Variants in CNOT1 observed in about 807,000 individuals in gnomAD.
The protein encoded by CNOT1 is CCR4-associated factor 1.
CNOT1 carries 15 observed loss-of-function variants against 273.8 expected under a neutral mutation model. The observed-to-expected ratio is 0.05, with a 90% CI of 0.04 to 0.08. The LOEUF (loss-of-function observed/expected upper bound fraction) is 0.08. Among genes scored for constraint, CNOT1 ranks in the 10% least tolerant of loss-of-function variants. The probability of loss-of-function intolerance (pLI) is 1.00; values close to 1 mark genes in which losing one functional copy is unlikely to be tolerated. For synonymous variants in CNOT1, 1,022 were observed against 1,005.5 expected (o/e 1.02, Z -0.31); for missense variants, 1,644 against 2,912.2 (o/e 0.56, Z 10.02).
At chr16:58,590,375 C>T (rs2042012175) in intron 2 of CNOT1, among the ~76,000 whole-genome samples, 1 of 152,164 alleles carries the variant, frequency 6.6e-6, no homozygotes, top group South Asian at 2.1e-4. Flanking sequence ...AAGTTCTTAG[C>T]TTATTTCAGT....
chr16:58,625,857 C>CAAAAAA (rs35404068), intron 1 of CNOT1, among the ~76,000 whole-genome samples: 1 of 106,380 alleles, frequency 9.4e-6, no homozygotes, highest in Non-Finnish European at 1.9e-5. Context: ...AACCCTGTCT[C>CAAAAAA]AAAAAAAAAA....
chr16:58,598,636 TAA>T (rs748040031), intron 2 of CNOT1, among the ~76,000 whole-genome samples: 2 of 120,214 alleles, frequency 1.7e-5, no homozygotes, highest in Non-Finnish European at 1.8e-5. Flanking sequence ...CTGTCTCAAA[TAA>T]AAAAAAAAAA....
chr16:58,538,141 G>A lies in CNOT1; in HGVS notation c.5244+17C>T, dbSNP rs1023053509. 1 of 1,604,478 alleles carries A rather than the reference G, an allele frequency of 6.2e-7. No individual in the cohort carries two copies. The highest frequency in any genetic ancestry group is 1.3e-5 in the African/African-American group (1 of 74,716). On this transcript the variant is annotated intron_variant, in intron 37 of 48. Coordinates refer to ENST00000317147, the MANE Select transcript of CNOT1 (RefSeq NM_016284.5). Reference sequence around the variant, plus strand: ...TCCCTGAGTCCTTTTGTCCGTGCAAGTAAATTCCTTCCATACCTGCGCTAG... The same window carrying A: ...TCCCTGAGTCCTTTTGTCCGTGCAAATAAATTCCTTCCATACCTGCGCTAG...
At chr16:58,624,048 T>A (rs1375175609) in intron 1 of CNOT1, among the ~76,000 whole-genome samples, 1 of 152,030 alleles carries the variant, frequency 6.6e-6, no homozygotes, top group East Asian at 1.9e-4. Context: ...TCTAGCAAGT[T>A]AACTGAACAA....
chr16:58,601,866 G>C (rs984032015), intron 1 of CNOT1, among the ~76,000 whole-genome samples: 2 of 92,028 alleles, frequency 2.2e-5, no homozygotes, highest in Non-Finnish European at 4.4e-5. Flanking sequence ...GCGAGACCCT[G>C]TCTATTAAAA....
chr16:58,550,614 C>T (rs920270050), intron 24 of CNOT1, among the ~76,000 whole-genome samples: 4 of 152,038 alleles, frequency 2.6e-5, no homozygotes, highest in African/African-American at 9.6e-5. Flanking sequence ...TGTTTTATCA[C>T]AGTAAGGCTT....
rs2039550667 is a variant in CNOT1, at chr16:58,525,413, C to T, written c.6604-54G>A. 10 of 1,479,168 alleles carry T rather than the reference C, an allele frequency of 6.8e-6. No homozygotes were observed. The South Asian group carries it at 8.2e-5, about 12-fold the overall frequency. 91.6% of individuals were successfully genotyped at this position (1,479,168 alleles called of 1,614,324 possible). A position where few individuals can be genotyped will look rare whatever the true frequency, so the allele number is the denominator to read the frequency against. Reference sequence around the variant, plus strand: ...TGCTTACTCCTGCAGAGGACCAATTCTAGCACCAGTATTTCTAAACCCTTC... The same window carrying T: ...TGCTTACTCCTGCAGAGGACCAATTTTAGCACCAGTATTTCTAAACCCTTC... On this transcript the variant is annotated intron_variant, in intron 45 of 48. Transcript: ENST00000317147.
chr16:58,549,593 C>A, intron 25 of CNOT1, 126 bp downstream of exon 25: 1 of 1,384,876 alleles, frequency 7.2e-7, no homozygotes, highest in South Asian at 1.6e-5. Flanking sequence ...ACAAAATCTA[C>A]AGCAATTTCC....
Position 58,534,258 on chromosome 16 carries a change from G to A in CNOT1, c.5784C>T (p.Ile1928=). The change falls in exon 40 of 49, where the codon ATC becomes ATT. Residue 1928 remains isoleucine, a synonymous_variant. Coordinates refer to ENST00000317147, the MANE Select transcript of CNOT1 (RefSeq NM_016284.5). ...QHNPAANPTM[I]RAKCYHNLDA... Reference sequence around the variant, plus strand: ...CCAGGTTGTGATAGCACTTGGCTCGGATCATGGTGGGATTGGCAGCAGGAT... The same window carrying A: ...CCAGGTTGTGATAGCACTTGGCTCGAATCATGGTGGGATTGGCAGCAGGAT... 1 of 1,614,122 alleles carries A rather than the reference G, an allele frequency of 6.2e-7. No homozygotes were observed. Among genetic ancestry groups the A allele is most frequent in the Non-Finnish European group, 8.5e-7 (1 of 1,180,030 alleles).
Position 58,588,808 on chromosome 16 carries a change from A to G in CNOT1, c.201T>C (p.Asp67=). The change falls in exon 3 of 49, where the codon GAT becomes GAC. Residue 67 remains aspartate, a synonymous_variant. Transcript: ENST00000317147. ...TGTAAGCCCCAAATACCTGATGGAA[A>G]TCTTTGCCACTGCTTTTACCATCGC... ...FSGDGKSSGK[D]FHQTQFLIQE... 6.2e-7 allele frequency: 1 copy of G among 1,613,850 alleles called. No homozygotes were observed. Among genetic ancestry groups the G allele is most frequent in the Non-Finnish European group, 8.5e-7 (1 of 1,179,922 alleles).
At chr16:58,598,121 G>C (rs556960571) in intron 2 of CNOT1, among the ~76,000 whole-genome samples, 2 of 149,340 alleles carry the variant, frequency 1.3e-5, no homozygotes, top group African/African-American at 4.9e-5. Context: ...AAAATTTGCC[G>C]GGCGCAGTGG....
chr16:58,523,867 T>TA (rs1184849660), intron 46 of CNOT1: 1 of 183,000 alleles, frequency 5.5e-6, no homozygotes, highest in Non-Finnish European at 1.2e-5. Context: ...TTCAACTTGT[T>TA]ACAGTATATT....
chr16:58,627,137 C>T (rs2043617554), intron 1 of CNOT1, among the ~76,000 whole-genome samples: 7 of 151,526 alleles, frequency 4.6e-5, no homozygotes, highest in Admixed American at 4.6e-4. Flanking sequence ...GGCTGGGCAC[C>T]GTGGCTCACG....
intron 21 of CNOT1, among the ~76,000 whole-genome samples, chr16:58,554,932 T>C (rs1343810748): frequency 3.4e-4 from 3 of 8,946 alleles, no homozygotes; most frequent in Non-Finnish European, 2.2e-4. Context: ...CAAGACTCCA[T>C]CTCAAAAAAA....
At chr16:58,617,784 C>T (rs1029822993) in intron 1 of CNOT1, among the ~76,000 whole-genome samples, 12 of 151,958 alleles carry the variant, frequency 7.9e-5, no homozygotes, top group African/African-American at 2.4e-4. Flanking sequence ...GTCAGGAGGA[C>T]CACTTGAAAC....
At chr16:58,625,850 C>T (rs1489132449) in intron 1 of CNOT1, among the ~76,000 whole-genome samples, 1 of 121,028 alleles carries the variant, frequency 8.3e-6, no homozygotes, top group Non-Finnish European at 1.7e-5. Flanking sequence ...GAAGTGAAAC[C>T]CTGTCTCAAA....
intron 44 of CNOT1, 56 bp downstream of exon 44, chr16:58,528,419 G>A: frequency 7.9e-7 from 1 of 1,273,676 alleles, no homozygotes; most frequent in South Asian, 1.2e-5. Flanking sequence ...CTACTTATCA[G>A]AGAAAGGACT....
At chr16:58,623,915 G>C (rs12598088) in intron 1 of CNOT1, among the ~76,000 whole-genome samples, 41,725 of 151,820 alleles carry the variant, frequency 0.27, 6,232 homozygotes, top group East Asian at 0.57. Context: ...GCTTGAACCA[G>C]AGCGATAGAG....
chr16:58,585,637 C>T, intron 7 of CNOT1, 131 bp from the exon 8 acceptor site: 1 of 1,408,080 alleles, frequency 7.1e-7, no homozygotes, highest in Non-Finnish European at 9.3e-7. Flanking sequence ...TTTCATTTTT[C>T]CAGCCTACTA....
Sources: allele counts gnomAD v4.1 joint callset (sites outside exome capture counted in the v4.1 genomes callset), GRCh38; gene constraint gnomAD v4.1.1; transcripts MANE v1.5; gene names NCBI Gene and HGNC (gene_info 2026-07-23, HGNC 2026-07-21).